Variants in KIF13B observed in about 807,000 individuals in gnomAD.
The protein encoded by KIF13B is kinesin-like protein KIF13B.
A neutral mutation model predicts 222.0 loss-of-function variants in KIF13B; 127 were observed. The ratio of observed to expected loss-of-function variants is 0.57; its 90% CI spans 0.50 to 0.66. The LOEUF (loss-of-function observed/expected upper bound fraction) is 0.66. KIF13B is among the 30% of genes least tolerant of loss of function. KIF13B has a pLI of 0.00. For synonymous variants in KIF13B, 976 were observed against 919.0 expected, an observed-to-expected ratio of 1.06 and a Z score of -1.12; for missense variants, 2,173 against 2,379.0, an observed-to-expected ratio of 0.91 and a Z score of 1.80.
intron 36 of KIF13B, among the ~76,000 whole-genome samples, chr8:29,095,752 A>C (rs1808492821): frequency 1.3e-5 from 2 of 152,136 alleles, no homozygotes; most frequent in African/African-American, 4.8e-5. Flanking sequence ...GGGCGACAAG[A>C]GCAAAACTTC....
At chr8:29,205,658 A>G (rs1813897210) in intron 2 of KIF13B, among the ~76,000 whole-genome samples, 2 of 152,216 alleles carry the variant, frequency 1.3e-5, no homozygotes, top group African/African-American at 4.8e-5. Context: ...TCCCAAATTC[A>G]AATGTCCCTC....
intron 37 of KIF13B, among the ~76,000 whole-genome samples, chr8:29,081,220 G>A (rs1291723945): frequency 2.0e-5 from 3 of 152,104 alleles, no homozygotes; most frequent in East Asian, 3.8e-4. Flanking sequence ...CTTTCTCAAC[G>A]GAAAGCTCAG....
chr8:29,243,707 T>C (rs1327739917), intron 2 of KIF13B, among the ~76,000 whole-genome samples: 2 of 152,116 alleles, frequency 1.3e-5, no homozygotes, highest in Non-Finnish European at 2.9e-5. Context: ...TCTCCTGATG[T>C]AGTCTCTTGC....
At chr8:29,220,241 A>T (rs560391252) in intron 2 of KIF13B, among the ~76,000 whole-genome samples, 14 of 152,306 alleles carry the variant, frequency 9.2e-5, no homozygotes, top group Admixed American at 4.6e-4. Context: ...TGTATAGTTA[A>T]TGTACTACCC....
intron 1 of KIF13B, among the ~76,000 whole-genome samples, chr8:29,256,006 G>A (rs866531140): frequency 1.3e-5 from 2 of 152,088 alleles, no homozygotes; most frequent in Admixed American, 6.5e-5. Flanking sequence ...CTACACCTAC[G>A]TCCAGTCCCT....
At chr8:29,161,589 G>A (rs562496279) in intron 12 of KIF13B, among the ~76,000 whole-genome samples, 32 of 152,090 alleles carry the variant, frequency 2.1e-4, no homozygotes, top group African/African-American at 7.2e-4. Context: ...CCAGCTACTC[G>A]GGAAGGTGAG....
chr8:29,131,401 G>A (rs768523417), intron 23 of KIF13B, among the ~76,000 whole-genome samples: 14 of 151,608 alleles, frequency 9.2e-5, no homozygotes, highest in Admixed American at 3.3e-4. Flanking sequence ...GACAAAGGTA[G>A]TGCCATATGC....
intron 2 of KIF13B, among the ~76,000 whole-genome samples, chr8:29,213,096 G>A (rs1229132309): frequency 6.6e-6 from 1 of 152,062 alleles, no homozygotes; most frequent in Non-Finnish European, 1.5e-5. Flanking sequence ...CCTTGAACAT[G>A]GGCTTTAGGA....
intron 12 of KIF13B, among the ~76,000 whole-genome samples, chr8:29,161,402 G>A (rs1490525538): frequency 6.6e-6 from 1 of 152,192 alleles, no homozygotes; most frequent in Non-Finnish European, 1.5e-5. Flanking sequence ...AGGTCCTTGA[G>A]AGTGCTAAGA....
chr8:29,155,694 T>C lies in KIF13B; in HGVS notation c.1535+32A>G, dbSNP rs75714311. ...AGTACTTTCTTCCTCTGAAAAACTC[T>C]TGTGATATGAACACTAATTCAAGTA... On this transcript the variant is annotated intron_variant, in intron 14 of 39. Transcript: ENST00000524189. 27 of 1,583,852 alleles carry C rather than the reference T, an allele frequency of 1.7e-5. No homozygotes were observed. In the African/African-American group the frequency reaches 3.1e-4, roughly 18 times the overall value.
intron 23 of KIF13B, among the ~76,000 whole-genome samples, chr8:29,131,451 G>T (rs1174939683): frequency 1.3e-5 from 2 of 151,980 alleles, no homozygotes; most frequent in East Asian, 3.9e-4. Context: ...GTCAGTAAGA[G>T]AATCAAGGAA....
chr8:29,129,956 C>T (rs1810274100), intron 24 of KIF13B, among the ~76,000 whole-genome samples: 1 of 152,188 alleles, frequency 6.6e-6, no homozygotes. Context: ...GATAGACAGC[C>T]AGGACACTAG....
intron 36 of KIF13B, among the ~76,000 whole-genome samples, chr8:29,094,561 C>A (rs900459300): frequency 3.3e-5 from 5 of 152,092 alleles, no homozygotes; most frequent in African/African-American, 1.2e-4. Flanking sequence ...ACTGGCTGAC[C>A]ACAGGGAATG....
At chr8:29,172,231 C>A (rs558375720) in intron 10 of KIF13B, among the ~76,000 whole-genome samples, 1 of 151,964 alleles carries the variant, frequency 6.6e-6, no homozygotes, top group Non-Finnish European at 1.5e-5. Flanking sequence ...CAGGCGCCCG[C>A]CACCACGCCT....
intron 11 of KIF13B, among the ~76,000 whole-genome samples, chr8:29,165,983 G>A (rs1269358546): frequency 1.4e-5 from 2 of 147,080 alleles, no homozygotes; most frequent in Non-Finnish European, 3.0e-5. Flanking sequence ...CAAAAAGAAG[G>A]CTTTTTCCTT....
chr8:29,188,395 G>A (rs916744121), intron 5 of KIF13B, 120 bp downstream of exon 5: 9 of 594,220 alleles, frequency 1.5e-5, no homozygotes, highest in Non-Finnish European at 2.6e-5. Flanking sequence ...AACATCTACA[G>A]TACTTTCTGA....
intron 25 of KIF13B, 67 bp downstream of exon 25, chr8:29,127,055 G>T: frequency 6.9e-7 from 1 of 1,447,204 alleles, no homozygotes; most frequent in African/African-American, 1.4e-5. Context: ...AGTTTCGTAC[G>T]GGTTCCAAAA....
At chr8:29,104,442 C>T (rs181660501) in intron 35 of KIF13B, among the ~76,000 whole-genome samples, 157 of 152,264 alleles carry the variant, frequency 1.0e-3, no homozygotes, top group African/African-American at 3.7e-3. Flanking sequence ...CTCCCCTAAC[C>T]GGTCCCTCCA....
intron 2 of KIF13B, among the ~76,000 whole-genome samples, chr8:29,222,433 A>G (rs1400466627): frequency 6.7e-6 from 1 of 150,220 alleles, no homozygotes; most frequent in African/African-American, 2.4e-5. Context: ...ATGGGTCTCA[A>G]TCTGTCGCCC....
Sources: gnomAD v4.1 joint callset for allele counts (sites outside exome capture counted in the v4.1 genomes callset) on GRCh38, gnomAD v4.1.1 for gene constraint, MANE v1.5 for transcripts, NCBI Gene and HGNC (gene_info 2026-07-23, HGNC 2026-07-21) for gene names.